The following RNF144A variants were observed in gnomAD, a reference collection of about 807,000 sequenced individuals.
The protein encoded by RNF144A is E3 ubiquitin-protein ligase RNF144A.
A neutral mutation model predicts 38.7 loss-of-function variants in RNF144A; 11 were observed. That is an observed-to-expected ratio of 0.28 (90% CI 0.18 to 0.47). The LOEUF (loss-of-function observed/expected upper bound fraction) is 0.47, where lower values mean the gene tolerates loss of function less well. Ranked by LOEUF, RNF144A falls within the 20% of genes least tolerant of loss-of-function variation. RNF144A has a pLI of 0.99. For synonymous variants in RNF144A, 149 were observed against 143.9 expected (o/e 1.04, Z -0.25); for missense variants, 316 against 377.2 (o/e 0.84, Z 1.34).
At chr2:6,978,371 T>C (rs1265795701) in intron 2 of RNF144A, among the ~76,000 whole-genome samples, 3 of 152,210 alleles carry the variant, frequency 2.0e-5, no homozygotes, top group Non-Finnish European at 4.4e-5. Flanking sequence ...TTCAACAAGA[T>C]CCTTCCTGGG....
intron 2 of RNF144A, among the ~76,000 whole-genome samples, chr2:6,992,766 G>A (rs1669474409): frequency 6.6e-6 from 1 of 152,192 alleles, no homozygotes; most frequent in Non-Finnish European, 1.5e-5. Flanking sequence ...GGAATCTGCT[G>A]AATCTCTCTA....
chr2:6,921,441 CT>C (rs1664534213), intron 1 of RNF144A, among the ~76,000 whole-genome samples: 1 of 152,226 alleles, frequency 6.6e-6, no homozygotes, highest in Admixed American at 6.5e-5. Flanking sequence ...CAGGGCTTTG[CT>C]TGCATCGTGG....
chr2:6,920,938 G>A (rs1428167890), intron 1 of RNF144A, among the ~76,000 whole-genome samples: 1 of 152,192 alleles, frequency 6.6e-6, no homozygotes, highest in Non-Finnish European at 1.5e-5. Flanking sequence ...CCAGTTTTTT[G>A]AGGATAAAAC....
At position 7,020,641 on chromosome 2, in the gene RNF144A, C is replaced by T. The variant is rs374579706; in HGVS notation, c.470C>T (p.Pro157Leu). 182 of 1,607,076 alleles carry T rather than the reference C, an allele frequency of 1.1e-4. 2 individuals are homozygous for T. The Admixed American group carries it at 1.9e-3, about 17-fold the overall frequency. ...AGCTGGCACCCTGGCCAGGGCTGCC[C>T]GGAGACCATGCCGATCACCTTCCTC... ...KASWHPGQGC[P>L]ETMPITFLPG... is the part of the protein sequence containing the mutation. The change falls in exon 6 of 9, where the codon CCG (proline) becomes CTG (leucine). Residue 157 changes from proline to leucine, a missense_variant. By Grantham distance (98) the Pro-to-Leu change is moderately conservative (BLOSUM62 -3). Transcript: ENST00000320892.
chr2:7,024,122 T>C (rs1464484444), intron 6 of RNF144A, among the ~76,000 whole-genome samples: 9 of 152,244 alleles, frequency 5.9e-5, no homozygotes, highest in Non-Finnish European at 1.3e-4. Flanking sequence ...AATTTAGATA[T>C]GTGTTGATGT....
At position 6,935,726 on chromosome 2, in the gene RNF144A, A is replaced by G. The variant is rs572540991; in HGVS notation, c.-211-5222A>G. 5.4e-4 allele frequency among the ~76,000 whole-genome samples: 82 copies of G among 151,592 alleles called. 3 individuals carry two copies. Among genetic ancestry groups the G allele is most frequent in the Middle Eastern group, 6.8e-3 (2 of 294 alleles). Reference sequence around the variant, plus strand: ...GGATGGCCTCTCACCTTGTGAGCTCATTTGGCTTCCAGTGTTAATGGTAAC... The same window carrying G: ...GGATGGCCTCTCACCTTGTGAGCTCGTTTGGCTTCCAGTGTTAATGGTAAC... On this transcript the variant is annotated intron_variant, in intron 1 of 8. Coordinates refer to ENST00000320892, the MANE Select transcript of RNF144A (RefSeq NM_014746.6).
At chr2:7,003,843 A>AG (rs2103402576) in intron 3 of RNF144A, among the ~76,000 whole-genome samples, 1 of 152,246 alleles carries the variant, frequency 6.6e-6, no homozygotes, top group South Asian at 2.1e-4. Context: ...GGGGGCATGC[A>AG]TTTTCTTATG....
intron 3 of RNF144A, among the ~76,000 whole-genome samples, chr2:6,998,320 G>T (rs958755276): frequency 3.3e-5 from 5 of 152,142 alleles, no homozygotes; most frequent in African/African-American, 1.2e-4. Flanking sequence ...CATCTTTCTT[G>T]CATAGCTTTC....
At chr2:6,947,087 A>G (rs1012750928) in intron 2 of RNF144A, among the ~76,000 whole-genome samples, 1 of 152,200 alleles carries the variant, frequency 6.6e-6, no homozygotes, top group Non-Finnish European at 1.5e-5. Context: ...AAAGTATTGA[A>G]GTTATTATAG....
At chr2:6,929,948 C>T (rs759722946) in intron 1 of RNF144A, among the ~76,000 whole-genome samples, 52 of 152,104 alleles carry the variant, frequency 3.4e-4, no homozygotes, top group Non-Finnish European at 6.5e-4. Flanking sequence ...ATATAAATCA[C>T]GTTGGCTCAG....
intron 2 of RNF144A, among the ~76,000 whole-genome samples, chr2:6,950,654 G>A (rs1308823432): frequency 6.6e-6 from 1 of 152,134 alleles, no homozygotes; most frequent in Non-Finnish European, 1.5e-5. Flanking sequence ...AATTCACATT[G>A]CCATCAGCAG....
intron 2 of RNF144A, among the ~76,000 whole-genome samples, chr2:6,963,208 G>A (rs186649955): frequency 4.1e-4 from 63 of 152,286 alleles, no homozygotes; most frequent in Non-Finnish European, 7.6e-4. Flanking sequence ...ACCTGAAAAT[G>A]TATGTTTGAT....
At chr2:6,964,175 C>T (rs1667507272) in intron 2 of RNF144A, among the ~76,000 whole-genome samples, 1 of 152,024 alleles carries the variant, frequency 6.6e-6, no homozygotes, top group African/African-American at 2.4e-5. Flanking sequence ...TGTCCTTTGC[C>T]CACTTTTTGA....
intron 1 of RNF144A, among the ~76,000 whole-genome samples, chr2:6,919,148 C>T (rs1199764834): frequency 2.6e-5 from 4 of 152,106 alleles, no homozygotes; most frequent in Admixed American, 1.3e-4. Flanking sequence ...AGGGAGTCCC[C>T]TTTGCAAGGG....
chr2:7,017,303 TTTTTTTTTTTGTTCTTTG>T (rs1671203299), intron 5 of RNF144A, among the ~76,000 whole-genome samples: 1 of 66,338 alleles, frequency 1.5e-5, no homozygotes. Flanking sequence ...CCGTGTATTG[TTTTTTTTTTTGTTCTTTG>T]TTTTTTTTTT....
chr2:6,948,638 T>TA (rs1666488746), intron 2 of RNF144A, among the ~76,000 whole-genome samples: 2 of 152,324 alleles, frequency 1.3e-5, no homozygotes, highest in African/African-American at 2.4e-5. Context: ...GAGAGACTCT[T>TA]AAGAGGTGAC....
chr2:7,064,817 G>T (rs1007080177), intron 6 of RNF144A, among the ~76,000 whole-genome samples: 2 of 152,178 alleles, frequency 1.3e-5, no homozygotes, highest in African/African-American at 2.4e-5. Context: ...TGTAATTGAG[G>T]ATGAAAGGAA....
intron 2 of RNF144A, among the ~76,000 whole-genome samples, chr2:6,970,604 A>G (rs560302855): frequency 6.6e-6 from 1 of 152,340 alleles, no homozygotes. Flanking sequence ...GATGAGGGCT[A>G]TTCAACTGGT....
intron 1 of RNF144A, among the ~76,000 whole-genome samples, chr2:6,922,626 CTTTTTTTTTT>C (rs1209204554): frequency 7.3e-6 from 1 of 136,958 alleles, no homozygotes; most frequent in East Asian, 2.1e-4. Flanking sequence ...TCTTGTTTTT[CTTTTTTTTTT>C]TTTTTTGAGA....
Sources: gnomAD v4.1 joint callset for allele counts (sites outside exome capture counted in the v4.1 genomes callset) on GRCh38, gnomAD v4.1.1 for gene constraint, MANE v1.5 for transcripts, NCBI Gene and HGNC (gene_info 2026-07-23, HGNC 2026-07-21) for gene names.